SPIRE1: variants seen among roughly 807,000 people sequenced by gnomAD.
SPIRE1 encodes the protein spire type actin nucleation factor 1, also known as protein spire homolog 1.
In SPIRE1, 40 loss-of-function variants were observed where a neutral mutation model predicts 94.1. The observed-to-expected ratio is 0.43, with a 90% CI of 0.33 to 0.55. SPIRE1 has a LOEUF of 0.55. Among genes scored for constraint, SPIRE1 ranks in the 20% least tolerant of loss-of-function variants. The pLI, the probability that SPIRE1 is intolerant of heterozygous loss-of-function variation, is 0.06. For synonymous variants in SPIRE1, 376 were observed against 371.7 expected (o/e 1.01, Z -0.13); for missense variants, 838 against 975.2 (o/e 0.86, Z 1.87).
chr18:12,459,164 G>A (rs919444238), intron 12 of SPIRE1, among the ~76,000 whole-genome samples: 1 of 152,206 alleles, frequency 6.6e-6, no homozygotes, highest in African/African-American at 2.4e-5. Flanking sequence ...GTAATATAAT[G>A]CAGAATTATT....
chr18:12,467,955 G>GA (rs977567797), intron 10 of SPIRE1, among the ~76,000 whole-genome samples: 32 of 141,958 alleles, frequency 2.3e-4, no homozygotes, highest in Non-Finnish European at 2.6e-4. Flanking sequence ...ATCTCAAAAG[G>GA]AAAAAAAAAA....
intron 2 of SPIRE1, among the ~76,000 whole-genome samples, chr18:12,579,190 C>T (rs941474201): frequency 7.7e-5 from 6 of 77,420 alleles, no homozygotes; most frequent in Admixed American, 1.5e-4. Context: ...AAAGTTTACA[C>T]ACACACACAT....
intron 2 of SPIRE1, among the ~76,000 whole-genome samples, chr18:12,630,693 A>G (rs955558053): frequency 1.3e-5 from 2 of 152,098 alleles, no homozygotes; most frequent in Non-Finnish European, 2.9e-5. Flanking sequence ...ATCCACCCTC[A>G]ATGGAGAATC....
chr18:12,535,785 T>C (rs1343492667), intron 3 of SPIRE1, among the ~76,000 whole-genome samples, 184 bp from the exon 4 acceptor site: 4 of 152,028 alleles, frequency 2.6e-5, no homozygotes, highest in Admixed American at 6.6e-5. Flanking sequence ...TGAAACCCTG[T>C]CTCTACTAAA....
chr18:12,489,132 G>A (rs1462721875), intron 8 of SPIRE1, among the ~76,000 whole-genome samples: 1 of 152,158 alleles, frequency 6.6e-6, no homozygotes, highest in Non-Finnish European at 1.5e-5. Flanking sequence ...AGCTTGCAAT[G>A]AGCCAAGATC....
intron 2 of SPIRE1, among the ~76,000 whole-genome samples, chr18:12,553,213 C>T (rs2035406225): frequency 6.6e-6 from 1 of 152,122 alleles, no homozygotes; most frequent in Non-Finnish European, 1.5e-5. Context: ...GTAAAAGGGG[C>T]TTTATCTTGC....
intron 2 of SPIRE1, chr18:12,588,351 T>C (rs916885395): frequency 7.9e-5 from 12 of 152,500 alleles, no homozygotes; most frequent in Admixed American, 2.0e-4. Context: ...GTAAGTCTTA[T>C]TGCAGTATAA....
At position 12,637,154 on chromosome 18, in the gene SPIRE1, T is replaced by C. The variant is rs139387711; in HGVS notation, c.338-2058A>G. 4.5e-3 allele frequency among the ~76,000 whole-genome samples: 684 copies of C among 152,182 alleles called. 5 individuals carry two copies. The highest frequency in any genetic ancestry group is 0.016 in the African/African-American group (646 of 41,502). ...GCAGACAGATCATGAGGTCAGGAGA[T>C]TGAGACTATCCTGGCTAACATGGTG... On this transcript the variant is annotated intron_variant, in intron 1 of 16. Coordinates refer to ENST00000409402, the MANE Select transcript of SPIRE1 (RefSeq NM_001128626.2).
At chr18:12,516,477 G>C (rs2034198722) in intron 4 of SPIRE1, among the ~76,000 whole-genome samples, 1 of 152,186 alleles carries the variant, frequency 6.6e-6, no homozygotes, top group Non-Finnish European at 1.5e-5. Flanking sequence ...GGAGAGGAAA[G>C]GGAGGGAGCA....
At chr18:12,612,648 T>A (rs544170583) in intron 2 of SPIRE1, among the ~76,000 whole-genome samples, 24 of 152,208 alleles carry the variant, frequency 1.6e-4, no homozygotes, top group Non-Finnish European at 2.9e-4. Flanking sequence ...GAAATTTGTA[T>A]GCATATTAAA....
chr18:12,619,674 T>C (rs996934871), intron 2 of SPIRE1, among the ~76,000 whole-genome samples: 1 of 151,658 alleles, frequency 6.6e-6, no homozygotes, highest in African/African-American at 2.4e-5. Flanking sequence ...AGTGAAACCC[T>C]GTCTCTACTA....
chr18:12,524,020 C>T (rs1802703444), intron 4 of SPIRE1, among the ~76,000 whole-genome samples: 1 of 151,996 alleles, frequency 6.6e-6, no homozygotes, highest in African/African-American at 2.4e-5. Context: ...ATTTTGTATG[C>T]ATTAGGAAAC....
intron 16 of SPIRE1, 45 bp downstream of exon 16, chr18:12,452,207 ACTC>A (rs752937299): frequency 2.5e-6 from 4 of 1,610,786 alleles, no homozygotes; most frequent in East Asian, 2.2e-5. Context: ...CAAGAGTAGA[ACTC>A]TTCTTCTGCA....
intron 5 of SPIRE1, 145 bp from the exon 6 acceptor site, chr18:12,506,786 G>A (rs2033850585): frequency 9.7e-6 from 8 of 828,488 alleles, no homozygotes; most frequent in Admixed American, 5.8e-5. Context: ...TAGATTTTGG[G>A]TACTAAAAGA....
intron 2 of SPIRE1, among the ~76,000 whole-genome samples, chr18:12,560,008 G>C (rs2144386555): frequency 6.6e-6 from 1 of 152,344 alleles, no homozygotes; most frequent in East Asian, 1.9e-4. Context: ...TGACATCATT[G>C]ATTGTCAGAG....
chr18:12,524,678 T>C (rs2034452989), intron 4 of SPIRE1, among the ~76,000 whole-genome samples: 1 of 152,036 alleles, frequency 6.6e-6, no homozygotes, highest in African/African-American at 2.4e-5. Flanking sequence ...GAATTACACA[T>C]TAAAGTAATA....
intron 2 of SPIRE1, among the ~76,000 whole-genome samples, chr18:12,623,380 C>T (rs2037531724): frequency 1.3e-5 from 2 of 152,014 alleles, no homozygotes; most frequent in South Asian, 4.1e-4. Context: ...GTCTCAATCT[C>T]CTGACCTCGT....
At chr18:12,623,010 C>T (rs998474318) in intron 2 of SPIRE1, among the ~76,000 whole-genome samples, 3 of 152,130 alleles carry the variant, frequency 2.0e-5, no homozygotes, top group Non-Finnish European at 4.4e-5. Context: ...AACAGATGCT[C>T]AATTAATGTG....
chr18:12,645,001 T>G (rs145188024), intron 1 of SPIRE1, among the ~76,000 whole-genome samples: 47 of 152,106 alleles, frequency 3.1e-4, no homozygotes, highest in African/African-American at 1.1e-3. Context: ...ACCCCAGTAC[T>G]TTGGGAGGCC....
Sources: gnomAD v4.1 joint callset for allele counts (sites outside exome capture counted in the v4.1 genomes callset) on GRCh38, gnomAD v4.1.1 for gene constraint, MANE v1.5 for transcripts, NCBI Gene and HGNC (gene_info 2026-07-23, HGNC 2026-07-21) for gene names.